PPP2R2C: variants seen among roughly 807,000 people sequenced by gnomAD.
PPP2R2C encodes the protein protein phosphatase 2 regulatory subunit Bgamma.
PPP2R2C carries 10 observed loss-of-function variants against 45.3 expected under a neutral mutation model. The observed-to-expected ratio is 0.22, with a 90% confidence interval of 0.14 to 0.37. PPP2R2C has a LOEUF of 0.37. Ranked by LOEUF, PPP2R2C falls within the 10% of genes least tolerant of loss-of-function variation. The probability of loss-of-function intolerance (pLI) is 1.00; values close to 1 mark genes in which losing one functional copy is unlikely to be tolerated. For synonymous variants in PPP2R2C, 257 were observed against 245.4 expected (o/e 1.05, Z -0.44); for missense variants, 308 against 619.7 (o/e 0.50, Z 5.34).
At chr4:6,445,911 A>C (rs1384217475) in intron 1 of PPP2R2C, among the ~76,000 whole-genome samples, 1 of 152,158 alleles carries the variant, frequency 6.6e-6, no homozygotes, top group African/African-American at 2.4e-5. Context: ...CTCCTATCTC[A>C]CATGGCCACA....
intron 5 of PPP2R2C, among the ~76,000 whole-genome samples, chr4:6,372,071 C>T (rs1244088008): frequency 6.6e-6 from 1 of 152,268 alleles, no homozygotes; most frequent in East Asian, 1.9e-4. Flanking sequence ...GCTTCTGACA[C>T]CCTGGTTGTC....
chr4:6,528,820 C>G (rs1724301062), intron 2 of PPP2R2C, among the ~76,000 whole-genome samples: 1 of 152,164 alleles, frequency 6.6e-6, no homozygotes, highest in African/African-American at 2.4e-5. Flanking sequence ...TTGTGACCCC[C>G]ACTCCTGCCC....
intron 2 of PPP2R2C, among the ~76,000 whole-genome samples, chr4:6,496,719 G>A (rs556135424): frequency 6.6e-6 from 1 of 152,178 alleles, no homozygotes; most frequent in African/African-American, 2.4e-5. Flanking sequence ...AAATTAGCCA[G>A]GTGTGGTGGT....
intron 1 of PPP2R2C, among the ~76,000 whole-genome samples, chr4:6,546,089 G>A (rs1724971899): frequency 6.6e-6 from 1 of 152,248 alleles, no homozygotes; most frequent in African/African-American, 2.4e-5. Context: ...AATAGCAGCT[G>A]TCGCTGACTT....
chr4:6,472,327 T>C lies in PPP2R2C; in HGVS notation c.-98A>G. On this transcript the variant is annotated 5_prime_UTR_variant, in exon 1 of 9. An upstream open reading frame in the 5' UTR loses its in-frame stop. Coordinates refer to ENST00000382599, the MANE Select transcript of PPP2R2C (RefSeq NM_020416.4). ...GCGCGCGGGCCATGCCGCCGCAGCC[T>C]AGCAGGGGCGCGGGCCGCCGGGGCC... 1 of 1,435,640 alleles carries C rather than the reference T, an allele frequency of 7.0e-7. No homozygotes were observed. 88.9% of individuals were successfully genotyped at this position (1,435,640 alleles called of 1,614,324 possible). A position where few individuals can be genotyped will look rare whatever the true frequency, so the allele number is the denominator to read the frequency against.
intron 2 of PPP2R2C, among the ~76,000 whole-genome samples, chr4:6,511,405 G>C (rs888761318): frequency 4.0e-5 from 6 of 150,854 alleles, no homozygotes; most frequent in South Asian, 2.1e-4. Context: ...GGTGGTGATG[G>C]TGGTGGTGAC....
intron 1 of PPP2R2C, among the ~76,000 whole-genome samples, chr4:6,445,862 C>A (rs1429415477): frequency 1.3e-5 from 2 of 152,230 alleles, no homozygotes; most frequent in African/African-American, 4.8e-5. Context: ...GGGTCCTCAG[C>A]CCTCTGCCCA....
intron 1 of PPP2R2C, among the ~76,000 whole-genome samples, chr4:6,460,649 T>C (rs1483504663): frequency 6.6e-6 from 1 of 152,142 alleles, no homozygotes; most frequent in African/African-American, 2.4e-5. Flanking sequence ...AATATATATA[T>C]ACCTAGATAG....
At chr4:6,481,476 C>A (rs1215048646) in intron 2 of PPP2R2C, among the ~76,000 whole-genome samples, 1 of 152,136 alleles carries the variant, frequency 6.6e-6, no homozygotes, top group Non-Finnish European at 1.5e-5. Context: ...TATACATGTG[C>A]CTTTATTTCT....
At chr4:6,327,330 G>A (rs1732024359) in intron 8 of PPP2R2C, among the ~76,000 whole-genome samples, 1 of 152,166 alleles carries the variant, frequency 6.6e-6, no homozygotes, top group African/African-American at 2.4e-5. Context: ...GGCGTGTAAA[G>A]TGCACGCAGG....
At chr4:6,499,552 C>G (rs1431172244) in intron 2 of PPP2R2C, among the ~76,000 whole-genome samples, 1 of 152,118 alleles carries the variant, frequency 6.6e-6, no homozygotes, top group Non-Finnish European at 1.5e-5. Flanking sequence ...CTTGTCCTTC[C>G]CTCCAATGTT....
intron 1 of PPP2R2C, among the ~76,000 whole-genome samples, chr4:6,455,334 G>A (rs760340684): frequency 2.4e-4 from 36 of 152,148 alleles, no homozygotes; most frequent in Non-Finnish European, 4.3e-4. Context: ...ACAGGACAAT[G>A]GGCATTCATA....
At chr4:6,341,954 G>A (rs1030925303) in intron 6 of PPP2R2C, among the ~76,000 whole-genome samples, 4 of 151,910 alleles carry the variant, frequency 2.6e-5, no homozygotes, top group Admixed American at 6.6e-5. Flanking sequence ...AATTGTTCCC[G>A]CAGCAATGAG....
chr4:6,429,119 A>C (rs1300111325), intron 1 of PPP2R2C, among the ~76,000 whole-genome samples: 1 of 150,868 alleles, frequency 6.6e-6, no homozygotes, highest in African/African-American at 2.4e-5. Flanking sequence ...CATGGGCATG[A>C]CTCTGTTCCA....
rs753235622 is a variant in PPP2R2C at position 6,376,124 on chromosome 4, C to T, written c.335-193G>A. Among the ~76,000 whole-genome samples the T allele has an allele frequency of 8.5e-5, 13 of 152,236 alleles. 1 individual carries two copies. Among genetic ancestry groups the T allele is most frequent in the African/African-American group, 1.7e-4 (7 of 41,462 alleles). On this transcript the variant is annotated intron_variant, in intron 3 of 8. Transcript: ENST00000382599. ...TTCGGCCTCCCTGCAGATTTCGGAA[C>T]GGCCAGCCTCCGCAGTCAGGTGAGC...
intron 2 of PPP2R2C, among the ~76,000 whole-genome samples, chr4:6,499,259 C>T (rs530703536): frequency 6.6e-6 from 1 of 152,330 alleles, no homozygotes; most frequent in Non-Finnish European, 1.5e-5. Context: ...CACCCATCTC[C>T]AGTCCTCCCA....
intron 5 of PPP2R2C, among the ~76,000 whole-genome samples, chr4:6,356,803 C>G (rs1713236372): frequency 6.6e-6 from 1 of 152,216 alleles, no homozygotes; most frequent in South Asian, 2.1e-4. Flanking sequence ...CTCAGCCTCT[C>G]TGGACTCTGC....
chr4:6,463,854 C>T (rs910813915), intron 1 of PPP2R2C, among the ~76,000 whole-genome samples: 2 of 152,216 alleles, frequency 1.3e-5, no homozygotes. Flanking sequence ...TCCTGCTGAA[C>T]CCTCTCGATT....
chr4:6,558,288 G>A (rs1725473586), intron 1 of PPP2R2C, among the ~76,000 whole-genome samples: 1 of 152,212 alleles, frequency 6.6e-6, no homozygotes, highest in Non-Finnish European at 1.5e-5. Context: ...CTGGGGTGCT[G>A]GTGGGGCTGT....
Sources: allele counts gnomAD v4.1 joint callset (sites outside exome capture counted in the v4.1 genomes callset), GRCh38; gene constraint gnomAD v4.1.1; transcripts MANE v1.5; gene names NCBI Gene and HGNC (gene_info 2026-07-23, HGNC 2026-07-21).